Variants in STIM1 observed in about 807,000 individuals in gnomAD.
STIM1 encodes stromal interaction molecule 1.
STIM1 carries 25 observed loss-of-function variants against 74.7 expected under a neutral mutation model. That is an observed-to-expected ratio of 0.33 (90% CI 0.24 to 0.47). STIM1 has a LOEUF of 0.47. STIM1 is among the 20% of genes least tolerant of loss of function. The pLI is 1.00. For synonymous variants in STIM1, 328 were observed against 348.8 expected (o/e 0.94, Z 0.66); for missense variants, 728 against 920.8 (o/e 0.79, Z 2.71).
intron 1 of STIM1, among the ~76,000 whole-genome samples, chr11:3,936,074 G>A (rs1427141598): frequency 6.6e-6 from 1 of 152,158 alleles, no homozygotes; most frequent in African/African-American, 2.4e-5. Context: ...GACAAATGTA[G>A]TATATGCCTG....
At chr11:3,893,012 C>T (rs1037713720) in intron 1 of STIM1, 1 of 626,852 alleles carries the variant, frequency 1.6e-6, no homozygotes, top group East Asian at 2.8e-5. Flanking sequence ...TCAAGCAATC[C>T]ACCCACTTCG....
At chr11:3,910,037 G>A (rs981495069) in intron 1 of STIM1, among the ~76,000 whole-genome samples, 11 of 152,094 alleles carry the variant, frequency 7.2e-5, no homozygotes, top group Non-Finnish European at 1.5e-4. Flanking sequence ...ATATGTTTGA[G>A]CAGCCATGAG....
chr11:3,916,444 C>T (rs2092644616), intron 1 of STIM1, among the ~76,000 whole-genome samples: 1 of 140,134 alleles, frequency 7.1e-6, no homozygotes, highest in South Asian at 2.4e-4. Flanking sequence ...TGTGCCACCA[C>T]ACCCAATTTT....
chr11:3,955,791 C>T lies in STIM1; in HGVS notation c.140-11761C>T, dbSNP rs568217404. 6.6e-5 allele frequency among the ~76,000 whole-genome samples: 10 copies of T among 152,114 alleles called. No homozygotes were observed. In the East Asian group the frequency reaches 1.9e-3, roughly 29 times the overall value. On this transcript the variant is annotated intron_variant, in intron 1 of 12. Transcript: ENST00000526596. ...TTTAAGAGCTCCTTAAGTGATTCTGCTATGCAGCCAGGGTTGAGAACTACT... is the reference window on the plus strand; with the variant it reads ...TTTAAGAGCTCCTTAAGTGATTCTGTTATGCAGCCAGGGTTGAGAACTACT...
chr11:3,960,765 A>G (rs2093276660), intron 1 of STIM1, among the ~76,000 whole-genome samples: 1 of 152,220 alleles, frequency 6.6e-6, no homozygotes, highest in Non-Finnish European at 1.5e-5. Context: ...AGCCAAAACA[A>G]CACATCACAA....
chr11:3,880,840 G>A (rs1448219470), intron 1 of STIM1, among the ~76,000 whole-genome samples: 2 of 152,144 alleles, frequency 1.3e-5, no homozygotes, highest in African/African-American at 4.8e-5. Flanking sequence ...GAAAGAGGAT[G>A]AGATACATGG....
chr11:4,013,163 G>A (rs1017289297), intron 2 of STIM1, among the ~76,000 whole-genome samples: 3 of 152,088 alleles, frequency 2.0e-5, no homozygotes, highest in Non-Finnish European at 4.4e-5. Flanking sequence ...GATGTTCATC[G>A]GGGACACTGG....
intron 1 of STIM1, among the ~76,000 whole-genome samples, chr11:3,939,146 T>G (rs1476645499): frequency 1.3e-5 from 2 of 152,200 alleles, no homozygotes; most frequent in African/African-American, 4.8e-5. Context: ...TGAGACTAGA[T>G]AGACTAGCTT....
chr11:3,890,794 TTC>T (rs1306445058), intron 1 of STIM1, among the ~76,000 whole-genome samples: 5 of 152,206 alleles, frequency 3.3e-5, no homozygotes, highest in African/African-American at 1.2e-4. Context: ...AGGTAGTGCT[TTC>T]CTGATTTTGC....
intron 1 of STIM1, among the ~76,000 whole-genome samples, chr11:3,884,763 C>T (rs2091640432): frequency 6.8e-6 from 1 of 147,878 alleles, no homozygotes; most frequent in African/African-American, 2.5e-5. Flanking sequence ...CCATGGGTGA[C>T]AGAGCCAGAC....
Position 4,083,269 on chromosome 11 carries a change from A to G in STIM1, c.1245A>G (p.Ala415=). The G allele has an allele frequency of 6.2e-7, 1 of 1,614,174 alleles. No individual in the cohort carries two copies. The highest frequency in any genetic ancestry group is 8.5e-7 in the Non-Finnish European group (1 of 1,180,022). ...VDHKILTAKQ[A]LSEVTAALRE... The stretch of plus-strand genomic sequence containing the variant: ...CTCTTTCCTCTGTCTTCAGGCAAGC[A>G]CTGAGCGAGGTGACAGCAGCATTGC... The change falls in exon 10 of 13, where the codon GCA becomes GCG. Residue 415 remains alanine (A), a synonymous_variant. Transcript: ENST00000526596.
chr11:3,928,972 G>A (rs2135552304), intron 1 of STIM1, among the ~76,000 whole-genome samples: 1 of 152,248 alleles, frequency 6.6e-6, no homozygotes, highest in East Asian at 1.9e-4. Context: ...CTGGGTTCAA[G>A]CAATTCTCCT....
chr11:3,910,837 AT>A (rs1350230577), intron 1 of STIM1, among the ~76,000 whole-genome samples: 1 of 148,404 alleles, frequency 6.7e-6, no homozygotes, highest in Non-Finnish European at 1.5e-5. Flanking sequence ...AAAAAAAAAA[AT>A]ATCCGGGCGT....
chr11:3,887,989 A>T (rs1248873422), intron 1 of STIM1: 1 of 147,072 alleles, frequency 6.8e-6, no homozygotes, highest in East Asian at 2.0e-4. Flanking sequence ...AAAAAAAAAT[A>T]GGACATCTGT....
intron 9 of STIM1, 34 bp from the exon 10 acceptor site, chr11:4,083,229 T>C (rs757985099): frequency 1.9e-6 from 3 of 1,606,280 alleles, no homozygotes; most frequent in Non-Finnish European, 2.6e-6. Flanking sequence ...TCACACCAAG[T>C]CCATGCCTGC....
chr11:4,024,175 C>G (rs1028595733), intron 3 of STIM1, among the ~76,000 whole-genome samples, 188 bp downstream of exon 3: 2 of 152,150 alleles, frequency 1.3e-5, no homozygotes, highest in African/African-American at 4.8e-5. Context: ...GAAGGTTCTC[C>G]AGAGTTGGCG....
chr11:3,994,870 A>T, intron 2 of STIM1, among the ~76,000 whole-genome samples: 1 of 152,000 alleles, frequency 6.6e-6, no homozygotes, highest in Non-Finnish European at 1.5e-5. Context: ...TATAATCTCT[A>T]TCAGTCTCTC....
At chr11:4,004,850 T>A (rs962673732) in intron 2 of STIM1, among the ~76,000 whole-genome samples, 1 of 152,204 alleles carries the variant, frequency 6.6e-6, no homozygotes, top group African/African-American at 2.4e-5. Flanking sequence ...GACAAAGGGC[T>A]AATATCCAGA....
At chr11:3,917,778 G>C (rs1261864823) in intron 1 of STIM1, among the ~76,000 whole-genome samples, 4 of 152,092 alleles carry the variant, frequency 2.6e-5, no homozygotes, top group Non-Finnish European at 5.9e-5. Flanking sequence ...GTGGAAAAGT[G>C]ATTTGGAAAC....
Sources: gnomAD v4.1 joint callset for allele counts (sites outside exome capture counted in the v4.1 genomes callset) on GRCh38, gnomAD v4.1.1 for gene constraint, MANE v1.5 for transcripts, NCBI Gene and HGNC (gene_info 2026-07-23, HGNC 2026-07-21) for gene names.